TBC1D1: variants seen among roughly 807,000 people sequenced by gnomAD.
TBC1D1 encodes TBC1 (tre-2/USP6, BUB2, cdc16) domain family, member 1.
A neutral mutation model predicts 125.6 loss-of-function variants in TBC1D1; 89 were observed. The observed-to-expected ratio is 0.71, with a 90% CI of 0.60 to 0.85. TBC1D1 has a LOEUF of 0.85. Ranked by LOEUF, TBC1D1 falls within the 40% of genes least tolerant of loss-of-function variation. TBC1D1 has a pLI of 0.00. For missense variants in TBC1D1, 1,377 were observed against 1,469.2 expected, an observed-to-expected ratio of 0.94 and a Z score of 1.03; for synonymous variants, 565 against 564.1, an observed-to-expected ratio of 1.00 and a Z score of -0.02.
At chr4:38,076,115 T>C (rs1258329412) in intron 12 of TBC1D1, among the ~76,000 whole-genome samples, 2 of 152,198 alleles carry the variant, frequency 1.3e-5, no homozygotes, top group African/African-American at 4.8e-5. Context: ...GGAAAGAGGT[T>C]GACTCACAGT....
intron 14 of TBC1D1, among the ~76,000 whole-genome samples, chr4:38,098,116 C>T (rs1195458033): frequency 6.6e-6 from 1 of 152,226 alleles, no homozygotes; most frequent in Non-Finnish European, 1.5e-5. Flanking sequence ...TTAGCAGGTA[C>T]CCTCTTTCTG....
At chr4:37,983,092 A>G in intron 2 of TBC1D1, among the ~76,000 whole-genome samples, 1 of 144,782 alleles carries the variant, frequency 6.9e-6, no homozygotes, top group African/African-American at 2.5e-5. Flanking sequence ...AAGACCCATT[A>G]GGGGCCAAAG....
Position 38,044,385 on chromosome 4 carries a change from T to C in TBC1D1, c.1437T>C (p.Asn479=). The C allele has an allele frequency of 6.2e-7, 1 of 1,607,982 alleles. No homozygotes were observed. The highest frequency in any genetic ancestry group is 8.5e-7 in the Non-Finnish European group (1 of 1,178,690). Residue 479 remains asparagine, a synonymous_variant, in exon 9 of 20, where the codon AAT becomes AAC. Transcript: ENST00000261439. ...AGACATCGCAGATGGCAGCAGAGAA[T>C]ATTGGAAGTGAATTACCACCCAGTG...
intron 2 of TBC1D1, chr4:37,960,500 T>C (rs1318037352): frequency 2.0e-5 from 33 of 1,613,986 alleles, no homozygotes; most frequent in Non-Finnish European, 2.7e-5. Context: ...CTGCCAAGGA[T>C]GTGCTGAAGC....
chr4:38,074,344 C>T (rs1019865253), intron 12 of TBC1D1, among the ~76,000 whole-genome samples: 4 of 152,192 alleles, frequency 2.6e-5, no homozygotes, highest in African/African-American at 9.7e-5. Flanking sequence ...CATCCCAACA[C>T]AAGGTTAAAC....
At chr4:37,948,967 A>T (rs1334413108) in intron 2 of TBC1D1, among the ~76,000 whole-genome samples, 1 of 152,198 alleles carries the variant, frequency 6.6e-6, no homozygotes, top group African/African-American at 2.4e-5. Context: ...CCTTTTATGG[A>T]TGAATAATAC....
At position 37,902,357 on chromosome 4, in the gene TBC1D1, C is replaced by G. The variant is rs1239342934; in HGVS notation, c.262C>G (p.Leu88Val). The G allele has an allele frequency of 2.5e-6, 4 of 1,614,236 alleles. No individual in the cohort carries two copies. The highest frequency in any genetic ancestry group is 3.4e-6 in the Non-Finnish European group (4 of 1,180,050). Residue 88 changes from leucine to valine, a missense_variant, in exon 2 of 20, where the codon CTG becomes GTG. By Grantham distance (32) the Leu-to-Val change is conservative (BLOSUM62 1). This residue lies in a region of TBC1D1 where 822 missense variants were observed against 824.6 expected (regional missense o/e 1.00). Transcript: ENST00000261439. ...AGGGAGAAGTCAACAGTGGGATCCCCTGATCTATTCCAGCATCTTTGAGTG... is the reference window on the plus strand; with the variant it reads ...AGGGAGAAGTCAACAGTGGGATCCCGTGATCTATTCCAGCATCTTTGAGTG...
intron 2 of TBC1D1, among the ~76,000 whole-genome samples, chr4:37,978,126 C>G (rs1169847822): frequency 2.0e-5 from 3 of 152,244 alleles, no homozygotes; most frequent in Admixed American, 6.5e-5. Flanking sequence ...TCAGCGCCTT[C>G]GAGATAACTG....
At chr4:38,059,348 C>T (rs145391981) in intron 12 of TBC1D1, among the ~76,000 whole-genome samples, 2 of 152,220 alleles carry the variant, frequency 1.3e-5, no homozygotes, top group East Asian at 1.9e-4. Flanking sequence ...AAGTAGGTCA[C>T]GTGCACAGCA....
intron 7 of TBC1D1, among the ~76,000 whole-genome samples, chr4:38,031,193 TA>T (rs1332464196): frequency 6.6e-6 from 1 of 152,242 alleles, no homozygotes; most frequent in Admixed American, 6.5e-5. Flanking sequence ...AGCTAGTAAA[TA>T]AAATATCTCC....
At chr4:38,120,131 T>G in intron 17 of TBC1D1, 1 of 984,628 alleles carries the variant, frequency 1.0e-6, no homozygotes, top group Non-Finnish European at 1.2e-6. Context: ...TCTGTAGACT[T>G]TGTAGGCAGT....
intron 2 of TBC1D1, among the ~76,000 whole-genome samples, chr4:37,997,660 C>T (rs1440493612): frequency 1.3e-5 from 2 of 152,114 alleles, no homozygotes; most frequent in Non-Finnish European, 2.9e-5. Context: ...ATTCCTACCA[C>T]CCAGAGACCA....
Position 38,018,389 on chromosome 4 carries a change from C to T in TBC1D1, c.918C>T (p.Asp306=). The change falls in exon 4 of 20, where the codon GAC becomes GAT. Residue 306 remains aspartate (D), a synonymous_variant. Coordinates refer to ENST00000261439, the MANE Select transcript of TBC1D1 (RefSeq NM_015173.4). ...CTGAAGTTTACCTCATCAGTCCTGA[C>T]ACCAAAAAAATAGCATTGGAGAAAA... 6.2e-7 allele frequency: 1 copy of T among 1,611,996 alleles called. No individual in the cohort carries two copies.
intron 12 of TBC1D1, among the ~76,000 whole-genome samples, chr4:38,063,382 T>C (rs1420078026): frequency 6.6e-6 from 1 of 152,218 alleles, no homozygotes; most frequent in Non-Finnish European, 1.5e-5. Context: ...TCCTGGTCCC[T>C]GGTCCTCTGT....
chr4:37,979,941 G>A (rs1039642056), intron 2 of TBC1D1, among the ~76,000 whole-genome samples: 3 of 152,126 alleles, frequency 2.0e-5, no homozygotes, highest in Admixed American at 6.5e-5. Flanking sequence ...CACCACCCCC[G>A]CTAATTTTGT....
intron 2 of TBC1D1, among the ~76,000 whole-genome samples, chr4:37,997,433 C>T (rs888407433): frequency 3.9e-5 from 6 of 152,182 alleles, no homozygotes; most frequent in African/African-American, 1.2e-4. Flanking sequence ...TGCCGTTTCA[C>T]TTGTACATTA....
intron 15 of TBC1D1, among the ~76,000 whole-genome samples, chr4:38,105,422 C>T (rs71606106): frequency 0.12 from 18,573 of 152,180 alleles, 1,586 homozygotes; most frequent in East Asian, 0.4. Flanking sequence ...AGTGTGACTT[C>T]GGAAGCTGCA....
intron 7 of TBC1D1, chr4:38,030,401 G>A (rs1388184545): frequency 6.6e-6 from 1 of 152,214 alleles, no homozygotes; most frequent in Admixed American, 6.5e-5. Context: ...AGACACCAAA[G>A]GGAGGTTGTA....
rs557585624 is a variant in TBC1D1 at position 38,090,044 on chromosome 4, A to G, written c.2163A>G (p.Arg721=). 1.4e-5 allele frequency: 22 copies of G among 1,614,192 alleles called. No homozygotes were observed. The highest frequency in any genetic ancestry group is 1.7e-5 in the Non-Finnish European group (20 of 1,180,014). ...AGAAAAGGACATCTCGTGAGCTCCGAGAGCTGTGGCAAAAGGCTATTCTTC... is the reference window on the plus strand; with the variant it reads ...AGAAAAGGACATCTCGTGAGCTCCGGGAGCTGTGGCAAAAGGCTATTCTTC... The change falls in exon 13 of 20, where the codon CGA becomes CGG. Residue 721 remains arginine, a synonymous_variant. Transcript: ENST00000261439.
Sources: gnomAD v4.1 joint callset for allele counts (sites outside exome capture counted in the v4.1 genomes callset) on GRCh38, gnomAD v4.1.1 for gene constraint, gnomAD v4.1.1 regional missense constraint, MANE v1.5 for transcripts, NCBI Gene and HGNC (gene_info 2026-07-23, HGNC 2026-07-21) for gene names.